Variants in FBXL2 observed in about 807,000 individuals in gnomAD.
FBXL2 encodes the protein F-box and leucine rich repeat protein 2.
FBXL2 carries 38 observed loss-of-function variants against 69.2 expected under a neutral mutation model. The observed-to-expected ratio is 0.55, with a 90% CI of 0.42 to 0.72. FBXL2 has a LOEUF of 0.72. Among genes scored for constraint, FBXL2 ranks in the 30% least tolerant of loss-of-function variants. The probability of loss-of-function intolerance (pLI) is 0.00; values close to 1 mark genes in which losing one functional copy is unlikely to be tolerated. For synonymous variants in FBXL2, 192 were observed against 201.3 expected, an observed-to-expected ratio of 0.95 and a Z score of 0.39; for missense variants, 354 against 520.3, an observed-to-expected ratio of 0.68 and a Z score of 3.11.
chr3:33,374,546 ATCTT>A (rs1357421990), intron 9 of FBXL2, among the ~76,000 whole-genome samples: 1 of 152,186 alleles, frequency 6.6e-6, no homozygotes, highest in Non-Finnish European at 1.5e-5. Flanking sequence ...TATATTATAA[ATCTT>A]TAGAGTCCCT....
chr3:33,318,186 C>G (rs2037879225), intron 2 of FBXL2, among the ~76,000 whole-genome samples: 1 of 152,108 alleles, frequency 6.6e-6, no homozygotes, highest in African/African-American at 2.4e-5. Flanking sequence ...ACATCTGAAA[C>G]ATAGGTGTGG....
At chr3:33,406,892 C>T (rs1298052190), downstream of FBXL2, among the ~76,000 whole-genome samples, 2 of 152,304 alleles carry the variant, frequency 1.3e-5, no homozygotes, top group Admixed American at 6.5e-5. Flanking sequence ...TTTTGTTGTA[C>T]GGCATCTCCT....
At chr3:33,316,861 A>G (rs1232497129) in intron 2 of FBXL2, among the ~76,000 whole-genome samples, 1 of 151,964 alleles carries the variant, frequency 6.6e-6, no homozygotes, top group Admixed American at 6.6e-5. Context: ...ACATGTAACT[A>G]TCACCACAGT....
chr3:33,312,416 G>A (rs1328492293), intron 2 of FBXL2, among the ~76,000 whole-genome samples: 1 of 152,140 alleles, frequency 6.6e-6, no homozygotes, highest in African/African-American at 2.4e-5. Flanking sequence ...CTGGTTACTG[G>A]TGCTTTATTT....
At chr3:33,280,713 C>CAAAAAAA (rs34093056) in intron 1 of FBXL2, among the ~76,000 whole-genome samples, 6 of 81,432 alleles carry the variant, frequency 7.4e-5, no homozygotes, top group Non-Finnish European at 9.9e-5. Context: ...GCCCTGTATC[C>CAAAAAAA]AAAAAAAAAA....
At chr3:33,288,530 G>A (rs2034888220) in intron 1 of FBXL2, among the ~76,000 whole-genome samples, 1 of 152,176 alleles carries the variant, frequency 6.6e-6, no homozygotes, top group South Asian at 2.1e-4. Context: ...GAATAGAAGG[G>A]AAGGCCTCTC....
intron 1 of FBXL2, among the ~76,000 whole-genome samples, chr3:33,287,670 G>A (rs1191407819): frequency 6.6e-6 from 1 of 152,126 alleles, no homozygotes; most frequent in Non-Finnish European, 1.5e-5. Context: ...ATTTAATAGG[G>A]CTAAATTGAG....
rs199722534 is a variant in FBXL2 at position 33,396,102 on chromosome 3, C to G, written n.1215-7132C>G. 6.3e-4 allele frequency: 902 copies of G among 1,431,832 alleles called. 2 individuals are homozygous for G. Among genetic ancestry groups the G allele is most frequent in the Admixed American group, 9.8e-4 (55 of 55,886 alleles). 88.7% of individuals were successfully genotyped at this position (1,431,832 alleles called of 1,614,324 possible). On this transcript the variant is annotated intron_variant and non_coding_transcript_variant, in intron 12 of 12. Transcript: ENST00000463736. ...TCTCCAAAGCCTGCTCAATCGAGTC[C>G]TTTCCGTTTCTGTCTGACAGTCTCA...
In FBXL2 at chr3:33,393,539, G is replaced by A. The variant is rs2043851654; in HGVS notation, n.1214+7811G>A. The A allele has an allele frequency of 2.2e-5, 30 of 1,335,570 alleles. No individual in the cohort carries two copies. The Middle Eastern group carries it at 1.1e-3, about 48-fold the overall frequency. 82.7% of individuals were successfully genotyped at this position (1,335,570 alleles called of 1,614,324 possible). Reference sequence around the variant, plus strand: ...CCTGATCTGTAGGATCTGTACGAAGGTCACACCTTTCAAAGTACCAAAAAA... The same window carrying A: ...CCTGATCTGTAGGATCTGTACGAAGATCACACCTTTCAAAGTACCAAAAAA... On this transcript the variant is annotated intron_variant and non_coding_transcript_variant, in intron 12 of 12. Coordinates refer to the FBXL2 transcript ENST00000463736.
At chr3:33,351,715 G>T (rs966434251) in intron 2 of FBXL2, among the ~76,000 whole-genome samples, 1 of 152,082 alleles carries the variant, frequency 6.6e-6, no homozygotes, top group African/African-American at 2.4e-5. Context: ...AAATGGTACC[G>T]CCAGTTTAGA....
At position 33,387,902 on chromosome 3, in the gene FBXL2, A is replaced by C. The variant is rs963478339; in HGVS notation, c.*2294A>C. 6.6e-6 allele frequency: 1 copy of C among 152,054 alleles called. No homozygotes were observed. The highest frequency in any genetic ancestry group is 1.5e-5 in the Non-Finnish European group (1 of 68,088). 9.4% of individuals were successfully genotyped at this position (152,054 alleles called of 1,614,324 possible). A position where few individuals can be genotyped will look rare whatever the true frequency, so the allele number is the denominator to read the frequency against. On this transcript the variant is annotated 3_prime_UTR_variant, in exon 15 of 15. Transcript: ENST00000484457. ...GCTAACACAGTGAAACCCCGTCTCTACTAAAAATACAAAAAAAATTAGCCG... is the reference window on the plus strand; with the variant it reads ...GCTAACACAGTGAAACCCCGTCTCTCCTAAAAATACAAAAAAAATTAGCCG...
chr3:33,291,494 A>T (rs1215617623), intron 1 of FBXL2, among the ~76,000 whole-genome samples: 4 of 152,216 alleles, frequency 2.6e-5, no homozygotes, highest in African/African-American at 4.8e-5. Context: ...TGTTTCTTTA[A>T]TACATACATT....
intron 5 of FBXL2, 148 bp downstream of exon 5, chr3:33,364,867 T>C (rs1022803111): frequency 1.4e-6 from 1 of 726,722 alleles, no homozygotes; most frequent in African/African-American, 1.8e-5. Context: ...GACTTTGGAA[T>C]AGCAAACCTG....
chr3:33,319,380 G>A (rs1016293373), intron 2 of FBXL2, among the ~76,000 whole-genome samples: 7 of 152,148 alleles, frequency 4.6e-5, no homozygotes, highest in African/African-American at 1.7e-4. Context: ...TCATCAAGTG[G>A]ATGTATGATG....
chr3:33,415,118 T>C, the FBXL2 span, among the ~76,000 whole-genome samples: 1 of 152,360 alleles, frequency 6.6e-6, no homozygotes, highest in African/African-American at 2.4e-5. Context: ...CCCAAGTTAA[T>C]CTGACAGGTA....
the FBXL2 span, chr3:33,411,643 T>C: frequency 5.8e-4 from 934 of 1,614,182 alleles, 5 homozygotes; most frequent in East Asian, 4.7e-3. Context: ...TTTAACTGGC[T>C]TGGATTCGTC....
intron 12 of FBXL2, among the ~76,000 whole-genome samples, chr3:33,394,639 A>T (rs1002216286): frequency 6.6e-6 from 1 of 152,190 alleles, no homozygotes; most frequent in African/African-American, 2.4e-5. Context: ...GACATGGATC[A>T]GGAATATCAT....
chr3:33,316,706 A>G (rs577104217), intron 2 of FBXL2, among the ~76,000 whole-genome samples: 2 of 152,106 alleles, frequency 1.3e-5, no homozygotes, highest in South Asian at 4.2e-4. Context: ...GCCCTCATCC[A>G]CCTGTATTTT....
chr3:33,410,367 G>A, the FBXL2 span, among the ~76,000 whole-genome samples: 6 of 152,080 alleles, frequency 3.9e-5, no homozygotes, highest in East Asian at 1.9e-4. Flanking sequence ...AACCTGATAT[G>A]TAAAGCCAGG....
Sources: allele counts gnomAD v4.1 joint callset (sites outside exome capture counted in the v4.1 genomes callset), GRCh38; gene constraint gnomAD v4.1.1; transcripts MANE v1.5; gene names NCBI Gene and HGNC (gene_info 2026-07-23, HGNC 2026-07-21).